LRP1B: variants seen among roughly 807,000 people sequenced by gnomAD.
LRP1B encodes low-density lipoprotein receptor-related protein 1B.
A neutral mutation model predicts 556.6 loss-of-function variants in LRP1B; 217 were observed. That is an observed-to-expected ratio of 0.39 (90% CI 0.35 to 0.44). The LOEUF is 0.44. LRP1B is among the 20% of genes least tolerant of loss of function. LRP1B has a pLI of 1.00. For synonymous variants in LRP1B, 2,047 were observed against 1,865.8 expected, an observed-to-expected ratio of 1.10 and a Z score of -2.50; for missense variants, 5,053 against 5,620.8, an observed-to-expected ratio of 0.90 and a Z score of 3.23.
chr2:141,977,072 G>T (rs1701906170), intron 1 of LRP1B, among the ~76,000 whole-genome samples: 1 of 152,036 alleles, frequency 6.6e-6, no homozygotes, highest in African/African-American at 2.4e-5. Context: ...GTGGTAAAAA[G>T]TTGCACGTAG....
chr2:140,911,085 G>GA (rs1694404539), intron 21 of LRP1B, among the ~76,000 whole-genome samples: 1 of 151,836 alleles, frequency 6.6e-6, no homozygotes, highest in Admixed American at 6.6e-5. Flanking sequence ...ATATGCTTGA[G>GA]TGAAGAAGAA....
chr2:141,451,818 T>G lies in LRP1B; in HGVS notation c.343+28578A>C, dbSNP rs1681432767. ...CTTAAACTATTTTGCCAATACTAGC[T>G]TTGAAACTACACATAAATAAGTTCC... On this transcript the variant is annotated intron_variant, in intron 3 of 90. Coordinates refer to ENST00000389484, the MANE Select transcript of LRP1B (RefSeq NM_018557.3). Among the ~76,000 whole-genome samples, 3 of 152,194 alleles carry G rather than the reference T, an allele frequency of 2.0e-5. No individual in the cohort carries two copies. The South Asian group carries it at 6.2e-4, about 31-fold the overall frequency.
chr2:141,348,518 C>A (rs1374198470), intron 3 of LRP1B, among the ~76,000 whole-genome samples: 1 of 151,472 alleles, frequency 6.6e-6, no homozygotes, highest in African/African-American at 2.4e-5. Context: ...AGTTTAATGG[C>A]CAAATAATTA....
At chr2:140,392,629 A>C (rs559515392) in intron 66 of LRP1B, among the ~76,000 whole-genome samples, 3 of 152,134 alleles carry the variant, frequency 2.0e-5, no homozygotes, top group African/African-American at 4.8e-5. Flanking sequence ...CTGGGACTAC[A>C]GGCATGTGCT....
intron 23 of LRP1B, among the ~76,000 whole-genome samples, chr2:140,900,657 A>T (rs2105218520): frequency 6.6e-6 from 1 of 152,320 alleles, no homozygotes; most frequent in East Asian, 1.9e-4. Context: ...GCTGGATATT[A>T]TGTAAAACAC....
intron 1 of LRP1B, among the ~76,000 whole-genome samples, chr2:141,859,759 A>G (rs1296501811): frequency 1.3e-5 from 2 of 152,172 alleles, no homozygotes; most frequent in African/African-American, 2.4e-5. Flanking sequence ...ATTGTATCAC[A>G]TAAGTATGTA....
chr2:140,821,811 G>A (rs1056446469), intron 31 of LRP1B, among the ~76,000 whole-genome samples: 1 of 152,104 alleles, frequency 6.6e-6, no homozygotes, highest in African/African-American at 2.4e-5. Flanking sequence ...GAGGCGGGTA[G>A]ATCACGAGGT....
intron 2 of LRP1B, among the ~76,000 whole-genome samples, chr2:141,511,860 T>G (rs1467370884): frequency 6.6e-6 from 1 of 152,204 alleles, no homozygotes; most frequent in Non-Finnish European, 1.5e-5. Flanking sequence ...TCCAGTTGAC[T>G]TTGAGCTAAT....
chr2:140,381,238 A>G (rs1190001584), intron 67 of LRP1B, among the ~76,000 whole-genome samples: 1 of 152,176 alleles, frequency 6.6e-6, no homozygotes, highest in Non-Finnish European at 1.5e-5. Flanking sequence ...GGATAAAATA[A>G]AAGACCAATT....
At chr2:140,899,261 T>C (rs1694034528) in intron 23 of LRP1B, among the ~76,000 whole-genome samples, 1 of 152,190 alleles carries the variant, frequency 6.6e-6, no homozygotes, top group African/African-American at 2.4e-5. Flanking sequence ...ATGATCCTTT[T>C]TCTTTTCCTT....
chr2:140,812,009 T>C (rs1690944793), intron 32 of LRP1B, among the ~76,000 whole-genome samples: 1 of 152,026 alleles, frequency 6.6e-6, no homozygotes, highest in Admixed American at 6.6e-5. Flanking sequence ...GAAAAACTAT[T>C]TAAAAAAACC....
At chr2:140,359,224 C>T (rs1324796544) in intron 72 of LRP1B, among the ~76,000 whole-genome samples, 1 of 151,622 alleles carries the variant, frequency 6.6e-6, no homozygotes, top group Non-Finnish European at 1.5e-5. Flanking sequence ...GCTGACTTCA[C>T]TTAGTGTAAC....
intron 2 of LRP1B, among the ~76,000 whole-genome samples, chr2:141,517,724 A>G (rs1427245888): frequency 1.3e-5 from 2 of 152,214 alleles, no homozygotes; most frequent in Non-Finnish European, 2.9e-5. Flanking sequence ...AACATAGGGA[A>G]TCGTGATCAC....
chr2:141,679,482 A>G (rs1420569080), intron 2 of LRP1B, among the ~76,000 whole-genome samples: 1 of 152,200 alleles, frequency 6.6e-6, no homozygotes, highest in Non-Finnish European at 1.5e-5. Flanking sequence ...TGGAAAATAA[A>G]AACATATCCA....
At chr2:140,730,298 T>C (rs1324535276) in intron 35 of LRP1B, among the ~76,000 whole-genome samples, 1 of 152,172 alleles carries the variant, frequency 6.6e-6, no homozygotes, top group Admixed American at 6.5e-5. Flanking sequence ...TAACATTCTT[T>C]ATGTACTTAG....
intron 5 of LRP1B, among the ~76,000 whole-genome samples, chr2:141,241,200 G>C (rs2105316372): frequency 6.6e-6 from 1 of 152,136 alleles, no homozygotes; most frequent in South Asian, 2.1e-4. Context: ...ATTTCTAACT[G>C]AATGATTGGC....
intron 23 of LRP1B, chr2:140,898,690 T>G (rs1694018465): frequency 2.3e-5 from 11 of 476,050 alleles, no homozygotes; most frequent in South Asian, 1.7e-4. Context: ...CTAGAGATGC[T>G]ACGCCTAAAT....
At chr2:140,435,530 C>G (rs1193848936) in intron 66 of LRP1B, among the ~76,000 whole-genome samples, 1 of 152,110 alleles carries the variant, frequency 6.6e-6, no homozygotes, top group African/African-American at 2.4e-5. Context: ...GGGCAAAAAG[C>G]TATTTCTCTT....
intron 35 of LRP1B, among the ~76,000 whole-genome samples, chr2:140,757,119 T>G (rs1167306887): frequency 6.6e-6 from 1 of 152,206 alleles, no homozygotes; most frequent in African/African-American, 2.4e-5. Context: ...GAGATACCAC[T>G]TTATATTCAT....
Sources: allele counts gnomAD v4.1 joint callset (sites outside exome capture counted in the v4.1 genomes callset), GRCh38; gene constraint gnomAD v4.1.1; transcripts MANE v1.5; gene names NCBI Gene and HGNC (gene_info 2026-07-23, HGNC 2026-07-21).